Variants in RBL2 observed in about 807,000 individuals in gnomAD.
RBL2 encodes the protein RB transcriptional corepressor like 2, also known as retinoblastoma-like protein 2.
In RBL2, 56 loss-of-function variants were observed where a neutral mutation model predicts 126.0. The ratio of observed to expected loss-of-function variants is 0.44; its 90% CI spans 0.36 to 0.56. RBL2 has a LOEUF of 0.56. Ranked by LOEUF, RBL2 falls within the 20% of genes least tolerant of loss-of-function variation. The probability of loss-of-function intolerance (pLI) is 0.00; values close to 1 mark genes in which losing one functional copy is unlikely to be tolerated. For synonymous variants in RBL2, 454 were observed against 478.5 expected (o/e 0.95, Z 0.67); for missense variants, 1,229 against 1,398.2 (o/e 0.88, Z 1.93).
At chr16:53,450,574 A>G (rs1290930140) in intron 4 of RBL2, among the ~76,000 whole-genome samples, 1 of 152,340 alleles carries the variant, frequency 6.6e-6, no homozygotes, top group South Asian at 2.1e-4. Flanking sequence ...AATTAAGATA[A>G]TAATAAAATG....
chr16:53,434,740 GCGCGGGC>G lies in RBL2; in HGVS notation c.187_193del (p.Ala64ProfsTer8). The G allele has an allele frequency of 6.5e-7, 1 of 1,545,026 alleles. No individual in the cohort carries two copies. The highest frequency in any genetic ancestry group is 8.7e-7 in the Non-Finnish European group (1 of 1,154,048). On this transcript the variant is annotated frameshift_variant, in exon 1 of 22. Coordinates refer to ENST00000262133, the MANE Select transcript of RBL2 (RefSeq NM_005611.4). LOFTEE classifies it high-confidence loss of function. ...CAGCCGCCTCAACATGGACGAGGCG[GCGCGGGC>G]CGAGGCCTGGGACAGCTACCGCAGC... is the stretch of plus-strand genomic sequence containing the variant.
At chr16:53,439,954 C>CAAAAAAAAAAAAAAAAAA (rs10591959) in intron 2 of RBL2, among the ~76,000 whole-genome samples, 10 of 91,936 alleles carry the variant, frequency 1.1e-4, no homozygotes, top group African/African-American at 3.2e-4. Flanking sequence ...ACCTTGTCTC[C>CAAAAAAAAAAAAAAAAAA]AAAAAAAAAA....
At chr16:53,481,395 T>C (rs917210595) in intron 20 of RBL2, 5 of 306,436 alleles carry the variant, frequency 1.6e-5, no homozygotes, top group East Asian at 1.5e-4. Context: ...TTTCCTCATA[T>C]ATAAAATGGG....
At chr16:53,464,483 ATC>A (rs2092843844) in intron 12 of RBL2, 120 bp downstream of exon 12, 7 of 881,512 alleles carry the variant, frequency 7.9e-6, no homozygotes, top group East Asian at 2.7e-5. Context: ...TACATAGTTA[ATC>A]TCTATTTGTG....
intron 4 of RBL2, among the ~76,000 whole-genome samples, chr16:53,450,119 A>T (rs2058101171): frequency 6.6e-6 from 1 of 152,198 alleles, no homozygotes; most frequent in South Asian, 2.1e-4. Flanking sequence ...ACCTCTTTAT[A>T]GAAGAACCAA....
In RBL2 at chr16:53,437,156, A is replaced by G. The variant is rs367718729; in HGVS notation, c.241-1860A>G. 4.6e-5 allele frequency among the ~76,000 whole-genome samples: 7 copies of G among 152,238 alleles called. No homozygotes were observed. The East Asian group carries it at 5.8e-4, about 13-fold the overall frequency. ...AAACCCTTTATTGAAGCAGAGGATA[A>G]TGCTGTGACCGACTTAACTTTATGC... On this transcript the variant is annotated intron_variant, in intron 1 of 21. Coordinates refer to ENST00000262133, the MANE Select transcript of RBL2 (RefSeq NM_005611.4).
chr16:53,439,462 T>G (rs1447503373), intron 2 of RBL2, among the ~76,000 whole-genome samples: 1 of 152,186 alleles, frequency 6.6e-6, no homozygotes, highest in East Asian at 1.9e-4. Flanking sequence ...TAGGAGATAC[T>G]CCAAGTTGAA....
At chr16:53,435,862 G>C in intron 1 of RBL2, 1 of 1,009,166 alleles carries the variant, frequency 9.9e-7, no homozygotes, top group South Asian at 1.4e-5. Flanking sequence ...GAATTGTTAG[G>C]TCTGCAGAAG....
chr16:53,478,074 T>G (rs1960798202), intron 17 of RBL2, among the ~76,000 whole-genome samples: 1 of 152,214 alleles, frequency 6.6e-6, no homozygotes, highest in African/African-American at 2.4e-5. Flanking sequence ...ATATTGACAT[T>G]TCAGAGATAA....
chr16:53,465,743 C>A, intron 13 of RBL2, 141 bp downstream of exon 13: 1 of 604,080 alleles, frequency 1.7e-6, no homozygotes, highest in Non-Finnish European at 2.5e-6. Context: ...TGGACTGTAA[C>A]GTCCCTCTCT....
intron 2 of RBL2, 34 bp from the exon 3 acceptor site, chr16:53,442,624 A>C (rs746966630): frequency 2.0e-6 from 3 of 1,490,412 alleles, no homozygotes; most frequent in Non-Finnish European, 2.8e-6. Context: ...GCCTTATGTT[A>C]ATTATGAAAT....
At chr16:53,486,878 A>G (rs759225722) in intron 21 of RBL2, among the ~76,000 whole-genome samples, 1 of 152,232 alleles carries the variant, frequency 6.6e-6, no homozygotes, top group African/African-American at 2.4e-5. Flanking sequence ...TATGTGATCA[A>G]CATACAAAAA....
At chr16:53,462,133 C>T (rs2058227535) in intron 10 of RBL2, among the ~76,000 whole-genome samples, 1 of 152,072 alleles carries the variant, frequency 6.6e-6, no homozygotes, top group Admixed American at 6.6e-5. Flanking sequence ...TGTAGTGATT[C>T]TTCAACATAT....
Position 53,480,660 on chromosome 16 carries a change from G to T in RBL2, c.2975G>T (p.Gly992Val). 1 of 1,613,964 alleles carries T rather than the reference G, an allele frequency of 6.2e-7. No homozygotes were observed. Among genetic ancestry groups the T allele is most frequent in the Non-Finnish European group, 8.5e-7 (1 of 1,179,984 alleles). Residue 992 changes from glycine (G) to valine (V), a missense_variant, in exon 20 of 22, where the codon GGT becomes GTT. By Grantham distance (109) the Gly-to-Val change is moderately radical. Transcript: ENST00000262133. ...SAPPTPTRLT[G>V]ANSDMEEEER... ...CCTCCCACACCTACTCGCCTCACAG[G>T]TGCCAACAGTGACATGGAAGAAGAG...
intron 17 of RBL2, among the ~76,000 whole-genome samples, chr16:53,475,835 C>CTTTTTTTTT (rs10540773): frequency 1.3e-5 from 1 of 76,452 alleles, no homozygotes. Flanking sequence ...ATTTCAATAT[C>CTTTTTTTTT]TTTTTTTTTT....
chr16:53,449,056 T>A (rs2058089481), intron 4 of RBL2: 1 of 152,224 alleles, frequency 6.6e-6, no homozygotes, highest in African/African-American at 2.4e-5. Context: ...GACACTGGCA[T>A]GTTTCTTTAG....
intron 13 of RBL2, chr16:53,465,819 G>A (rs576098960): frequency 1.2e-4 from 42 of 363,748 alleles, no homozygotes; most frequent in Middle Eastern, 7.2e-4. Context: ...TTGGTAAGTA[G>A]ATAACGTTTA....
intron 5 of RBL2, among the ~76,000 whole-genome samples, chr16:53,452,206 A>G (rs1475520878): frequency 1.3e-5 from 2 of 152,240 alleles, no homozygotes; most frequent in Non-Finnish European, 2.9e-5. Flanking sequence ...TCTTACTTCA[A>G]ATTTTGGTAC....
chr16:53,479,772 A>C (rs1960869127), intron 18 of RBL2, 114 bp from the exon 19 acceptor site: 1 of 653,578 alleles, frequency 1.5e-6, no homozygotes, highest in Non-Finnish European at 2.6e-6. Flanking sequence ...TTCTGAGGAC[A>C]ACTATTGCTA....
Sources: allele counts gnomAD v4.1 joint callset (sites outside exome capture counted in the v4.1 genomes callset), GRCh38; gene constraint gnomAD v4.1.1; transcripts MANE v1.5; gene names NCBI Gene and HGNC (gene_info 2026-07-23, HGNC 2026-07-21).